Variants in ZNF385D observed in about 807,000 individuals in gnomAD.
ZNF385D encodes the protein zinc finger protein 385D.
Under a neutral mutation model 35.8 loss-of-function variants are expected in ZNF385D, and 15 were observed. The observed-to-expected ratio is 0.42, with a 90% CI of 0.28 to 0.64. The LOEUF (loss-of-function observed/expected upper bound fraction) is 0.64, where lower values mean the gene tolerates loss of function less well. Among genes scored for constraint, ZNF385D ranks in the 30% least tolerant of loss-of-function variants. The pLI is 0.23. For synonymous variants in ZNF385D, 212 were observed against 186.8 expected, an observed-to-expected ratio of 1.13 and a Z score of -1.10; for missense variants, 474 against 494.6, an observed-to-expected ratio of 0.96 and a Z score of 0.39.
chr3:21,714,828 A>G (rs1275912349), intron 1 of ZNF385D, among the ~76,000 whole-genome samples: 1 of 152,176 alleles, frequency 6.6e-6, no homozygotes, highest in African/African-American at 2.4e-5. Context: ...AAAAAAATAA[A>G]TTTCATTGTG....
intron 3 of ZNF385D, among the ~76,000 whole-genome samples, chr3:22,123,379 G>C (rs2125669990): frequency 6.6e-6 from 1 of 152,024 alleles, no homozygotes; most frequent in East Asian, 1.9e-4. Context: ...GGGATATTTT[G>C]GTGTATATAT....
chr3:21,896,489 G>C lies in ZNF385D; in HGVS notation c.326-231461C>G, dbSNP rs7632119. 6.8e-3 allele frequency among the ~76,000 whole-genome samples: 1,039 copies of C among 152,248 alleles called. 11 individuals carry two copies. Among genetic ancestry groups the C allele is most frequent in the African/African-American group, 0.024 (985 of 41,566 alleles). ...TATACCTATGGGGTACTTTAATTTT[G>C]AACTGAATTATATGGGGGCAAAGAG... On this transcript the variant is annotated intron_variant, in intron 3 of 5. Coordinates refer to the ZNF385D transcript ENST00000494108.
intron 2 of ZNF385D, among the ~76,000 whole-genome samples, chr3:21,638,584 G>C (rs892028370): frequency 6.6e-6 from 1 of 152,072 alleles, no homozygotes; most frequent in Non-Finnish European, 1.5e-5. Flanking sequence ...CTGTCATAAA[G>C]TTATTTATCT....
intron 2 of ZNF385D, among the ~76,000 whole-genome samples, chr3:22,287,575 T>C (rs1000383708): frequency 6.6e-6 from 1 of 151,960 alleles, no homozygotes; most frequent in Non-Finnish European, 1.5e-5. Flanking sequence ...AAGCACCTCA[T>C]ATTTATAACA....
chr3:21,739,400 C>T (rs866317834), intron 1 of ZNF385D, among the ~76,000 whole-genome samples: 4 of 152,196 alleles, frequency 2.6e-5, no homozygotes, highest in South Asian at 2.1e-4. Flanking sequence ...TTAAGGATAT[C>T]GATTGTTAAC....
intron 3 of ZNF385D, among the ~76,000 whole-genome samples, chr3:22,035,987 T>C (rs1166239580): frequency 1.3e-5 from 2 of 151,796 alleles, no homozygotes; most frequent in Non-Finnish European, 2.9e-5. Context: ...AAATGGAAAA[T>C]GAAGAGTCAA....
intron 2 of ZNF385D, among the ~76,000 whole-genome samples, chr3:21,601,393 C>T (rs1382750013): frequency 6.6e-6 from 1 of 152,152 alleles, no homozygotes; most frequent in Non-Finnish European, 1.5e-5. Flanking sequence ...TGAACACTTC[C>T]AATTGATTAG....
intron 3 of ZNF385D, among the ~76,000 whole-genome samples, chr3:21,954,098 C>T (rs569083226): frequency 6.6e-6 from 1 of 151,822 alleles, no homozygotes; most frequent in Non-Finnish European, 1.5e-5. Context: ...CCCTCCATCC[C>T]CATTTGGAAG....
intron 2 of ZNF385D, among the ~76,000 whole-genome samples, chr3:22,236,554 T>C (rs1699195474): frequency 6.6e-6 from 1 of 152,158 alleles, no homozygotes; most frequent in South Asian, 2.1e-4. Flanking sequence ...TTTTAAATAT[T>C]AAGATATAAT....
chr3:21,580,816 TA>T (rs2063635982), intron 2 of ZNF385D, among the ~76,000 whole-genome samples: 1 of 152,062 alleles, frequency 6.6e-6, no homozygotes, highest in South Asian at 2.1e-4. Context: ...TGTATATATA[TA>T]TATGTATATA....
At chr3:21,513,145 T>C (rs1707332186) in intron 3 of ZNF385D, among the ~76,000 whole-genome samples, 1 of 152,118 alleles carries the variant, frequency 6.6e-6, no homozygotes, top group South Asian at 2.1e-4. Flanking sequence ...CAGGTGATTA[T>C]CACTATTTTT....
chr3:22,224,377 T>C (rs1698435242), intron 2 of ZNF385D, among the ~76,000 whole-genome samples: 1 of 152,204 alleles, frequency 6.6e-6, no homozygotes, highest in Non-Finnish European at 1.5e-5. Flanking sequence ...TGTAAATATC[T>C]GAGTTCAAAT....
intron 3 of ZNF385D, among the ~76,000 whole-genome samples, chr3:21,532,694 A>AG (rs2125537999): frequency 6.6e-6 from 1 of 151,754 alleles, no homozygotes; most frequent in Admixed American, 6.6e-5. Flanking sequence ...AAAAAAAAAA[A>AG]CAGATCTAGT....
intron 3 of ZNF385D, among the ~76,000 whole-genome samples, chr3:22,098,862 T>G (rs1219433957): frequency 6.6e-6 from 1 of 151,894 alleles, no homozygotes; most frequent in Non-Finnish European, 1.5e-5. Context: ...ATATAGAAAA[T>G]ACAATTAGGC....
At chr3:22,058,054 G>C (rs1011796516) in intron 3 of ZNF385D, among the ~76,000 whole-genome samples, 2 of 152,154 alleles carry the variant, frequency 1.3e-5, no homozygotes, top group African/African-American at 4.8e-5. Flanking sequence ...AACAATTCTT[G>C]TTGGCTATAC....
chr3:21,700,404 T>C (rs2067638290), intron 1 of ZNF385D, among the ~76,000 whole-genome samples: 1 of 152,220 alleles, frequency 6.6e-6, no homozygotes, highest in African/African-American at 2.4e-5. Context: ...ACTTTAGCTC[T>C]ACTGATTATT....
intron 3 of ZNF385D, among the ~76,000 whole-genome samples, chr3:21,928,543 G>A (rs1700858379): frequency 1.3e-5 from 2 of 152,156 alleles, no homozygotes; most frequent in African/African-American, 2.4e-5. Context: ...GCAGTTGCAT[G>A]TGGAACATAT....
chr3:21,961,449 C>T (rs977056285), intron 3 of ZNF385D: 1 of 152,036 alleles, frequency 6.6e-6, no homozygotes, highest in African/African-American at 2.4e-5. Flanking sequence ...AAAAAGAAGC[C>T]AGTTTAATTA....
At chr3:22,136,666 C>T (rs1216703717) in intron 3 of ZNF385D, among the ~76,000 whole-genome samples, 1 of 151,968 alleles carries the variant, frequency 6.6e-6, no homozygotes, top group Admixed American at 6.6e-5. Flanking sequence ...TTAATCATTG[C>T]CAAAACGTGG....
Sources: allele counts gnomAD v4.1 joint callset (sites outside exome capture counted in the v4.1 genomes callset), GRCh38; gene constraint gnomAD v4.1.1; transcripts MANE v1.5; gene names NCBI Gene and HGNC (gene_info 2026-07-23, HGNC 2026-07-21).